The following PLA2G2F variants were observed in gnomAD, a reference collection of about 807,000 sequenced individuals.
The protein encoded by PLA2G2F is group IIF secretory phospholipase A2.
PLA2G2F carries 17 observed loss-of-function variants against 15.9 expected under a neutral mutation model. That is an observed-to-expected ratio of 1.07 (90% CI 0.73 to 1.60). The LOEUF is 1.60. PLA2G2F is among the 40% of genes most tolerant of loss of function. The pLI is 0.00. For synonymous variants in PLA2G2F, 119 were observed against 106.5 expected, an observed-to-expected ratio of 1.12 and a Z score of -0.72; for missense variants, 299 against 278.2, an observed-to-expected ratio of 1.07 and a Z score of -0.53.
At chr1:20,143,619 A>G (rs1226063942) in intron 3 of PLA2G2F, 29 bp downstream of exon 3, 1 of 1,608,428 alleles carries the variant, frequency 6.2e-7, no homozygotes, top group Non-Finnish European at 8.5e-7. Flanking sequence ...GGCTCCTGTC[A>G]GGGGCCAAAT....
rs1425962997 is a variant in PLA2G2F, at chr1:20,140,178, T to C, written c.129T>C (p.Gly43=). 1 of 1,613,774 alleles carries C rather than the reference T, an allele frequency of 6.2e-7. No individual in the cohort carries two copies. Among genetic ancestry groups the C allele is most frequent in the African/African-American group, 1.3e-5 (1 of 74,898 alleles). Residue 43 remains glycine (G), a synonymous_variant, in exon 2 of 5, where the codon GGT becomes GGC. Coordinates refer to ENST00000375102, the MANE Select transcript of PLA2G2F (RefSeq NM_022819.4). ...CPSRTSRSSL[G]MKKFFTVAIL... ...CGTCCTCCCTCAGGTCTAGCCTGGG[T>C]ATGAAGAAGTTCTTCACCGTGGCCA... is the stretch of plus-strand genomic sequence containing the variant.
At chr1:20,144,738 C>A in intron 4 of PLA2G2F, 49 bp downstream of exon 4, 1 of 1,423,254 alleles carries the variant, frequency 7.0e-7, no homozygotes, top group Non-Finnish European at 9.7e-7. Flanking sequence ...GAGTGGCTGG[C>A]TCTACCAGCC....
rs751332163 is a variant in PLA2G2F at position 20,144,708 on chromosome 1, A to G, written c.424+19A>G. On this transcript the variant is annotated intron_variant, in intron 4 of 4. Coordinates refer to ENST00000375102, the MANE Select transcript of PLA2G2F (RefSeq NM_022819.4). ...GTCTGCAGTGAGTCCCTCCCCTGTC[A>G]CCTGGGCCCCCAGAGAAGGGAGTGG... The G allele has an allele frequency of 2.7e-5, 42 of 1,560,696 alleles. No homozygotes were observed. Among genetic ancestry groups the G allele is most frequent in the Non-Finnish European group, 3.7e-5 (42 of 1,144,402 alleles).
Position 20,146,955 on chromosome 1 carries a change from T to C in PLA2G2F, c.425-1235T>C, listed in dbSNP as rs192370330. Among the ~76,000 whole-genome samples, 95 of 152,264 alleles carry C rather than the reference T, an allele frequency of 6.2e-4. No individual in the cohort carries two copies. The East Asian group carries it at 0.014, about 23-fold the overall frequency. ...CATCAGAGCCAGAGGCCCTGAGAGG[T>C]GCTGGTCACAGTCCCTGAGAGGTTC... On this transcript the variant is annotated intron_variant, in intron 4 of 4. Coordinates refer to ENST00000375102, the MANE Select transcript of PLA2G2F (RefSeq NM_022819.4).
chr1:20,147,487 T>C (rs1443176281), intron 4 of PLA2G2F, among the ~76,000 whole-genome samples: 1 of 151,912 alleles, frequency 6.6e-6, no homozygotes, highest in African/African-American at 2.4e-5. Flanking sequence ...TCGCTCTTGT[T>C]GCCCAGGCTG....
At position 20,146,071 on chromosome 1, in the gene PLA2G2F, G is replaced by A. The variant is rs552786256; in HGVS notation, c.424+1382G>A. ...CCAATTCTCCTGTCCCCCAAATTCT[G>A]GGTGATTCTGATTCCGTGGGTGTTG... On this transcript the variant is annotated intron_variant, in intron 4 of 4. Coordinates refer to ENST00000375102, the MANE Select transcript of PLA2G2F (RefSeq NM_022819.4). Among the ~76,000 whole-genome samples the A allele has an allele frequency of 7.2e-5, 11 of 152,348 alleles. No individual in the cohort carries two copies. In the South Asian group the frequency reaches 2.3e-3, roughly 32 times the overall value.
rs1569904767 is a variant in PLA2G2F, at chr1:20,148,461, T to C, written c.*60T>C. The C allele has an allele frequency of 7.6e-6, 11 of 1,444,180 alleles. No individual in the cohort carries two copies. The South Asian group carries it at 1.3e-4, about 17-fold the overall frequency. The allele number at this position is 1,444,180 out of a possible 1,614,324, so 89.5% of individuals were successfully genotyped here. ...GGTCTGGCTTGGGGACCAGACGAGG[T>C]GCAGGGAGGGTAGGAGCCAGGCCAG... On this transcript the variant is annotated 3_prime_UTR_variant, in exon 5 of 5. Transcript: ENST00000375102.
chr1:20,149,690 TG>T lies in PLA2G2F; in HGVS notation c.*1294del, dbSNP rs2017692267. On this transcript the variant is annotated 3_prime_UTR_variant, in exon 5 of 5. Transcript: ENST00000375102. Reference sequence around the variant, plus strand: ...GGGCCTCCAGGCAACACAGAGGAGCTGGGGGCCAGGGCCTTACGGGGCTGGG... The same window carrying T: ...GGGCCTCCAGGCAACACAGAGGAGCTGGGGCCAGGGCCTTACGGGGCTGGG... The T allele has an allele frequency of 6.5e-6, 1 of 152,752 alleles. No homozygotes were observed. The allele number at this position is 152,752 out of a possible 1,614,324, so 9.5% of individuals were successfully genotyped here. A position where few individuals can be genotyped will look rare whatever the true frequency, so the allele number is the denominator to read the frequency against.
chr1:20,148,064 G>C (rs981517257), intron 4 of PLA2G2F, 126 bp from the exon 5 acceptor site: 1 of 795,244 alleles, frequency 1.3e-6, no homozygotes, highest in Non-Finnish European at 2.1e-6. Context: ...TGGTCCTGCC[G>C]CCCAGGTAAC....
chr1:20,146,873 G>C (rs2017623849), intron 4 of PLA2G2F, among the ~76,000 whole-genome samples: 1 of 152,170 alleles, frequency 6.6e-6, no homozygotes, highest in South Asian at 2.1e-4. Flanking sequence ...CCCACCAGGG[G>C]TAACAGACGA....
intron 4 of PLA2G2F, among the ~76,000 whole-genome samples, chr1:20,146,995 T>G (rs1307186448): frequency 6.6e-6 from 1 of 152,178 alleles, no homozygotes; most frequent in Non-Finnish European, 1.5e-5. Flanking sequence ...GGTACTTTAG[T>G]GTATTTTATC....
Position 20,143,534 on chromosome 1 carries a change from C to G in PLA2G2F, c.258C>G (p.Gly86=). ...GGAGCGCCATCCTGTCCTTCGTGGG[C>G]TACGGTTGCTACTGTGGGCTGGGGG... is the stretch of plus-strand genomic sequence containing the variant. ...TGRSAILSFV[G]YGCYCGLGGR... is the part of the protein sequence containing the mutation. The change falls in exon 3 of 5, where the codon GGC becomes GGG. Residue 86 remains glycine (G), a synonymous_variant. Transcript: ENST00000375102. 2 of 1,614,078 alleles carry G rather than the reference C, an allele frequency of 1.2e-6. No individual in the cohort carries two copies.
rs1180015571 is a variant in PLA2G2F at position 20,148,714 on chromosome 1, T to C, written c.*313T>C. ...GGAGGAGGGGCCTCTGAGTGGGGCCTCTGTTGCTGGCGCCAGTTTAACTCC... is the reference window on the plus strand; with the variant it reads ...GGAGGAGGGGCCTCTGAGTGGGGCCCCTGTTGCTGGCGCCAGTTTAACTCC... On this transcript the variant is annotated 3_prime_UTR_variant, in exon 5 of 5. Coordinates refer to ENST00000375102, the MANE Select transcript of PLA2G2F (RefSeq NM_022819.4). 12 of 385,768 alleles carry C rather than the reference T, an allele frequency of 3.1e-5. No individual in the cohort carries two copies. The East Asian group carries it at 5.2e-4, about 17-fold the overall frequency. 23.9% of individuals were successfully genotyped at this position (385,768 alleles called of 1,614,324 possible).
At position 20,149,462 on chromosome 1, in the gene PLA2G2F, G is replaced by C. The variant is rs1031491942; in HGVS notation, c.*1061G>C. 2 of 152,454 alleles carry C rather than the reference G, an allele frequency of 1.3e-5. No homozygotes were observed. The highest frequency in any genetic ancestry group is 6.5e-5 in the Admixed American group (1 of 15,294). The allele number at this position is 152,454 out of a possible 1,614,324, so 9.4% of individuals were successfully genotyped here. Reference sequence around the variant, plus strand: ...GTCCCATTGGTGGGGAAGAGGCTGAGGGCTGAGACCCACCTCAGTGAAGAG... The same window carrying C: ...GTCCCATTGGTGGGGAAGAGGCTGACGGCTGAGACCCACCTCAGTGAAGAG... On this transcript the variant is annotated 3_prime_UTR_variant, in exon 5 of 5. Coordinates refer to ENST00000375102, the MANE Select transcript of PLA2G2F (RefSeq NM_022819.4).
chr1:20,146,558 ACTCCCCCT>A (rs2017612321), intron 4 of PLA2G2F, among the ~76,000 whole-genome samples: 1 of 150,844 alleles, frequency 6.6e-6, no homozygotes, highest in Admixed American at 6.6e-5. Context: ...CTGGGAGAGG[ACTCCCCCT>A]GGCCCAGCCT....
chr1:20,148,742 GGAGCCTTAGAAAGTCT>G lies in PLA2G2F; in HGVS notation c.*359_*374del, dbSNP rs990161374. On this transcript the variant is annotated 3_prime_UTR_variant, in exon 5 of 5. Coordinates refer to ENST00000375102, the MANE Select transcript of PLA2G2F (RefSeq NM_022819.4). ...GTTGCTGGCGCCAGTTTAACTCCCC[GGAGCCTTAGAAAGTCT>G]GAGCCTTAGAAAGTCTGGGCCTGAG... is the stretch of plus-strand genomic sequence containing the variant. 10 of 310,222 alleles carry G rather than the reference GGAGCCTTAGAAAGTCT, an allele frequency of 3.2e-5. No individual in the cohort carries two copies. The highest frequency in any genetic ancestry group is 1.9e-4 in the African/African-American group (9 of 47,118). The allele number at this position is 310,222 out of a possible 1,614,324, so 19.2% of individuals were successfully genotyped here. A position where few individuals can be genotyped will look rare whatever the true frequency, so the allele number is the denominator to read the frequency against.
rs1569890138 is a variant in PLA2G2F, at chr1:20,139,432, C to T, written c.5C>T (p.Ala2Val). M[A>V]DGAKANPKGF... ...TGGCCCCCCAGAACCCGCAACATGG[C>T]AGATGGGGCAAAGGCCAACCCCAAA... The change falls in exon 1 of 5, where the codon GCA becomes GTA. Residue 2 changes from alanine to valine, a missense_variant. Physicochemically the swap from Ala to Val is moderately conservative, Grantham distance 64. Coordinates refer to ENST00000375102, the MANE Select transcript of PLA2G2F (RefSeq NM_022819.4). 1.3e-6 allele frequency: 2 copies of T among 1,557,900 alleles called. No homozygotes were observed. The highest frequency in any genetic ancestry group is 1.7e-4 in the Middle Eastern group (1 of 6,000).
chr1:20,146,240 T>C (rs757092242), intron 4 of PLA2G2F, among the ~76,000 whole-genome samples: 1 of 152,208 alleles, frequency 6.6e-6, no homozygotes, highest in African/African-American at 2.4e-5. Context: ...CCCTGCTCCA[T>C]GTAGCCCTGG....
intron 1 of PLA2G2F, 103 bp downstream of exon 1, chr1:20,139,646 G>A (rs2017420050): frequency 5.7e-6 from 5 of 872,762 alleles, no homozygotes; most frequent in Non-Finnish European, 1.7e-6. Flanking sequence ...CCACGTGGTG[G>A]GCAGAACCCC....
Sources: gnomAD v4.1 joint callset for allele counts (sites outside exome capture counted in the v4.1 genomes callset) on GRCh38, gnomAD v4.1.1 for gene constraint, MANE v1.5 for transcripts, NCBI Gene and HGNC (gene_info 2026-07-23, HGNC 2026-07-21) for gene names.